The following VDAC1 variants were observed in gnomAD, a reference collection of about 807,000 sequenced individuals.
The protein encoded by VDAC1 is voltage dependent anion channel 1, also known as non-selective voltage-gated ion channel VDAC1.
Under a neutral mutation model 34.7 loss-of-function variants are expected in VDAC1, and 10 were observed. The observed-to-expected ratio is 0.29, with a 90% CI of 0.18 to 0.49. The LOEUF (loss-of-function observed/expected upper bound fraction) is 0.49. Among genes scored for constraint, VDAC1 ranks in the 20% least tolerant of loss-of-function variants. VDAC1 has a pLI of 0.99. For synonymous variants in VDAC1, 130 were observed against 136.0 expected (o/e 0.96, Z 0.30); for missense variants, 230 against 347.9 (o/e 0.66, Z 2.69).
At chr5:133,980,653 A>G (rs770836901) in intron 6 of VDAC1, 76 bp downstream of exon 6, 3 of 953,116 alleles carry the variant, frequency 3.1e-6, no homozygotes, top group Non-Finnish European at 4.5e-6. Flanking sequence ...AAAAAAAAAA[A>G]CAGTGAAAAG....
the VDAC1 span, among the ~76,000 whole-genome samples, chr5:134,039,610 T>G: frequency 2.0e-5 from 3 of 152,152 alleles, no homozygotes; most frequent in African/African-American, 7.2e-5. Flanking sequence ...ATTACAGGCG[T>G]GAGCCACCGC....
At chr5:134,110,627 C>T in the VDAC1 span, among the ~76,000 whole-genome samples, 2 of 152,228 alleles carry the variant, frequency 1.3e-5, no homozygotes, top group Non-Finnish European at 1.5e-5. Flanking sequence ...GTGCTCCTGC[C>T]GAGAGCCAGC....
rs1274927936 is a variant in VDAC1 at position 133,972,016 on chromosome 5, C to T, written c.*755G>A. ...AAAATGGAAGACTCTAAAATGTACC[C>T]ATTAAACTGCTAAAAAACAAATTGA... On this transcript the variant is annotated 3_prime_UTR_variant, in exon 9 of 9. Coordinates refer to ENST00000265333, the MANE Select transcript of VDAC1 (RefSeq NM_003374.3). The T allele has an allele frequency of 6.6e-6, 1 of 152,524 alleles. No individual in the cohort carries two copies. Among genetic ancestry groups the T allele is most frequent in the Non-Finnish European group, 1.5e-5 (1 of 68,028 alleles). The allele number at this position is 152,524 out of a possible 1,614,324, so 9.4% of individuals were successfully genotyped here.
At chr5:134,013,896 C>T in the VDAC1 span, among the ~76,000 whole-genome samples, 37 of 151,864 alleles carry the variant, frequency 2.4e-4, no homozygotes, top group African/African-American at 8.5e-4. Context: ...GAGCTGAGAT[C>T]GTGCCACTGC....
At chr5:134,000,089 A>G (rs1753484144) in intron 1 of VDAC1, among the ~76,000 whole-genome samples, 1 of 152,126 alleles carries the variant, frequency 6.6e-6, no homozygotes, top group African/African-American at 2.4e-5. Flanking sequence ...GAACACAATC[A>G]GCAGCTCGCT....
the VDAC1 span, among the ~76,000 whole-genome samples, chr5:134,053,124 A>G: frequency 6.6e-6 from 1 of 151,906 alleles, no homozygotes; most frequent in Non-Finnish European, 1.5e-5. Context: ...TCAAAAAAAA[A>G]GAAGAAAGAA....
the VDAC1 span, among the ~76,000 whole-genome samples, chr5:134,066,520 G>A: frequency 6.6e-6 from 1 of 152,130 alleles, no homozygotes; most frequent in Non-Finnish European, 1.5e-5. Flanking sequence ...CCTGCTACAT[G>A]TGTTAGTATA....
At chr5:133,991,823 G>A (rs1183203006) in intron 3 of VDAC1, among the ~76,000 whole-genome samples, 4 of 151,964 alleles carry the variant, frequency 2.6e-5, no homozygotes, top group African/African-American at 9.7e-5. Context: ...AAATTCCCAC[G>A]TTCCATACAA....
At chr5:134,022,038 G>A in the VDAC1 span, among the ~76,000 whole-genome samples, 1 of 152,056 alleles carries the variant, frequency 6.6e-6, no homozygotes, top group Non-Finnish European at 1.5e-5. Flanking sequence ...GTGCCACCAC[G>A]CCAGCTAGTT....
chr5:134,087,943 A>T, the VDAC1 span, among the ~76,000 whole-genome samples: 1 of 151,312 alleles, frequency 6.6e-6, no homozygotes, highest in South Asian at 2.1e-4. Flanking sequence ...TGAGGTCAGG[A>T]GTTTTGAGAC....
chr5:134,112,181 T>G, the VDAC1 span, among the ~76,000 whole-genome samples: 1 of 152,208 alleles, frequency 6.6e-6, no homozygotes, highest in Non-Finnish European at 1.5e-5. Context: ...ACATGAAATC[T>G]ACCTCCTTCA....
chr5:134,044,837 G>A, the VDAC1 span, among the ~76,000 whole-genome samples: 3 of 152,296 alleles, frequency 2.0e-5, no homozygotes, highest in East Asian at 5.8e-4. Context: ...CAGAGCTAGG[G>A]GCACAGAAGA....
chr5:134,017,370 G>A, the VDAC1 span, among the ~76,000 whole-genome samples: 21 of 152,212 alleles, frequency 1.4e-4, no homozygotes, highest in South Asian at 8.3e-4. Flanking sequence ...GGAGGCTGAG[G>A]CAGGAGAACC....
At chr5:134,001,808 T>A (rs1753569573) in intron 1 of VDAC1, among the ~76,000 whole-genome samples, 1 of 151,488 alleles carries the variant, frequency 6.6e-6, no homozygotes, top group South Asian at 2.1e-4. Context: ...ACCAGACCTG[T>A]GTTATGGGCC....
intron 1 of VDAC1, among the ~76,000 whole-genome samples, chr5:134,004,135 G>A (rs1258672995): frequency 6.6e-6 from 1 of 152,164 alleles, no homozygotes; most frequent in African/African-American, 2.4e-5. Context: ...GCGTGGGCCG[G>A]CCAGGGCGCG....
chr5:133,983,371 G>A (rs1055686791), intron 5 of VDAC1, among the ~76,000 whole-genome samples: 1 of 151,860 alleles, frequency 6.6e-6, no homozygotes, highest in Non-Finnish European at 1.5e-5. Context: ...ATTTACAGCT[G>A]AAATTAAGTG....
the VDAC1 span, among the ~76,000 whole-genome samples, chr5:134,094,056 C>G: frequency 3.3e-5 from 5 of 152,248 alleles, no homozygotes; most frequent in Non-Finnish European, 2.9e-5. Context: ...TGATCCTGGA[C>G]TCCATGAGGC....
At chr5:133,979,268 G>A (rs1226062897) in intron 6 of VDAC1, among the ~76,000 whole-genome samples, 1 of 152,092 alleles carries the variant, frequency 6.6e-6, no homozygotes, top group South Asian at 2.1e-4. Flanking sequence ...AAGAATTGGT[G>A]CCAATGCCCA....
chr5:134,052,573 G>T, the VDAC1 span, among the ~76,000 whole-genome samples: 1 of 152,034 alleles, frequency 6.6e-6, no homozygotes, highest in Admixed American at 6.6e-5. Flanking sequence ...ATGAGTCACC[G>T]TGCTCAACCA....
Sources: allele counts gnomAD v4.1 joint callset (sites outside exome capture counted in the v4.1 genomes callset), GRCh38; gene constraint gnomAD v4.1.1; transcripts MANE v1.5; gene names NCBI Gene and HGNC (gene_info 2026-07-23, HGNC 2026-07-21).